The following STK32B variants were observed in gnomAD, a reference collection of about 807,000 sequenced individuals.
STK32B encodes the protein serine/threonine-protein kinase 32B.
A neutral mutation model predicts 52.6 loss-of-function variants in STK32B; 43 were observed. That is an observed-to-expected ratio of 0.82 (90% CI 0.64 to 1.05). The LOEUF (loss-of-function observed/expected upper bound fraction) is 1.05. Ranked by LOEUF, STK32B falls within the 50% of genes least tolerant of loss-of-function variation. The pLI, the probability that STK32B is intolerant of heterozygous loss-of-function variation, is 0.00. For missense variants in STK32B, 621 were observed against 534.6 expected, an observed-to-expected ratio of 1.16 and a Z score of -1.59; for synonymous variants, 238 against 204.3, an observed-to-expected ratio of 1.17 and a Z score of -1.41.
At chr4:5,083,901 A>G (rs1264440382) in intron 1 of STK32B, among the ~76,000 whole-genome samples, 1 of 151,990 alleles carries the variant, frequency 6.6e-6, no homozygotes, top group Non-Finnish European at 1.5e-5. Flanking sequence ...ACATCTGGCT[A>G]ATTTTTGTAT....
chr4:5,489,395 G>A (rs1719503547), intron 11 of STK32B, among the ~76,000 whole-genome samples: 1 of 152,018 alleles, frequency 6.6e-6, no homozygotes, highest in African/African-American at 2.4e-5. Context: ...AGAAAATATG[G>A]CTGTTTTGAT....
chr4:5,455,546 C>G (rs142008928), intron 7 of STK32B, among the ~76,000 whole-genome samples: 101 of 152,276 alleles, frequency 6.6e-4, no homozygotes, highest in African/African-American at 2.4e-3. Context: ...GGAACTTTTC[C>G]GAAGCAAGAA....
At chr4:5,393,762 C>T (rs195130) in intron 4 of STK32B, among the ~76,000 whole-genome samples, 99,111 of 151,914 alleles carry the variant, frequency 0.65, 35,281 homozygotes, top group Non-Finnish European at 0.8. Flanking sequence ...GATTACAATT[C>T]GACATGAGAT....
intron 4 of STK32B, among the ~76,000 whole-genome samples, chr4:5,366,305 A>G (rs1734873346): frequency 6.6e-6 from 1 of 152,004 alleles, no homozygotes; most frequent in Non-Finnish European, 1.5e-5. Flanking sequence ...TTCACAGTTC[A>G]TTCTGTTTGC....
chr4:5,447,908 C>T lies in STK32B; in HGVS notation c.666+1132C>T, dbSNP rs1331752904. Among the ~76,000 whole-genome samples, 4 of 152,218 alleles carry T rather than the reference C, an allele frequency of 2.6e-5. No homozygotes were observed. In the East Asian group the frequency reaches 7.7e-4, roughly 29 times the overall value. ...GACAGAAGCAAAGAGCCAGATTCTC[C>T]CACAGGCTACAGTTTTAATGTTGTT... is the stretch of plus-strand genomic sequence containing the variant. On this transcript the variant is annotated intron_variant, in intron 7 of 11. Transcript: ENST00000282908.
intron 4 of STK32B, among the ~76,000 whole-genome samples, chr4:5,362,027 T>C (rs1164230608): frequency 6.6e-6 from 1 of 152,220 alleles, no homozygotes; most frequent in Non-Finnish European, 1.5e-5. Context: ...AAATTATAAA[T>C]GTTTTGGTGC....
At chr4:5,217,931 T>G (rs993918051) in intron 3 of STK32B, among the ~76,000 whole-genome samples, 1 of 152,218 alleles carries the variant, frequency 6.6e-6, no homozygotes, top group Non-Finnish European at 1.5e-5. Context: ...TCACAGGATT[T>G]TGACACATAA....
chr4:5,298,235 G>A (rs1729332893), intron 3 of STK32B, among the ~76,000 whole-genome samples: 1 of 152,322 alleles, frequency 6.6e-6, no homozygotes, highest in South Asian at 2.1e-4. Context: ...CTGCTGCGAG[G>A]TGTCTCCCAG....
intron 3 of STK32B, among the ~76,000 whole-genome samples, chr4:5,309,515 T>C (rs1439612328): frequency 6.6e-6 from 1 of 152,142 alleles, no homozygotes; most frequent in East Asian, 1.9e-4. Flanking sequence ...GCCAAAACAG[T>C]ATGGTGTTGA....
rs1282155201 is a variant in STK32B at position 5,453,361 on chromosome 4, G to T, written c.667-3446G>T. Among the ~76,000 whole-genome samples the T allele has an allele frequency of 6.6e-6, 1 of 152,124 alleles. No homozygotes were observed. The highest frequency in any genetic ancestry group is 6.5e-5 in the Admixed American group (1 of 15,284). On this transcript the variant is annotated intron_variant, in intron 7 of 11. Transcript: ENST00000282908. This position sits in a 1 kb window ranked among gnomAD's most constrained non-coding sequence, Gnocchi z 4.0. ...AAAACATTTACATTTGTTTCTGGCT[G>T]GTGTTCAAGTTGGGTGCTTGGATTC... is the stretch of plus-strand genomic sequence containing the variant.
intron 3 of STK32B, among the ~76,000 whole-genome samples, chr4:5,238,357 GTTTC>G (rs1238263950): frequency 6.6e-6 from 1 of 151,814 alleles, no homozygotes; most frequent in Non-Finnish European, 1.5e-5. Flanking sequence ...AGGCCTCTCT[GTTTC>G]TTCTCCTTTC....
At chr4:5,307,679 G>A (rs1375180107) in intron 3 of STK32B, among the ~76,000 whole-genome samples, 1 of 151,570 alleles carries the variant, frequency 6.6e-6, no homozygotes, top group East Asian at 1.9e-4. Context: ...GTGATCTTTT[G>A]GGAGTGTTAG....
At chr4:5,371,042 A>ATGTATATG (rs1381470583) in intron 4 of STK32B, among the ~76,000 whole-genome samples, 30 of 149,236 alleles carry the variant, frequency 2.0e-4, no homozygotes, top group Non-Finnish European at 3.5e-4. Context: ...ATGTATATAT[A>ATGTATATG]TGTGTGTGTG....
intron 1 of STK32B, among the ~76,000 whole-genome samples, chr4:5,138,221 A>T (rs1000848280): frequency 6.6e-6 from 1 of 152,212 alleles, no homozygotes; most frequent in African/African-American, 2.4e-5. Flanking sequence ...TATTCTAAGC[A>T]CGTTAGGCAT....
intron 4 of STK32B, among the ~76,000 whole-genome samples, chr4:5,334,606 T>C (rs1259031485): frequency 6.6e-6 from 1 of 152,144 alleles, no homozygotes; most frequent in African/African-American, 2.4e-5. Flanking sequence ...TGATATTGGC[T>C]GTGGGTTTGT....
chr4:5,116,915 G>A (rs1714755016), intron 1 of STK32B, among the ~76,000 whole-genome samples: 2 of 152,092 alleles, frequency 1.3e-5, no homozygotes, highest in Non-Finnish European at 2.9e-5. Context: ...ATTGTAAATA[G>A]TATGGTTTTC....
At chr4:5,233,609 A>G (rs1312225844) in intron 3 of STK32B, among the ~76,000 whole-genome samples, 1 of 151,818 alleles carries the variant, frequency 6.6e-6, no homozygotes, top group Non-Finnish European at 1.5e-5. Flanking sequence ...GAAGAATTCC[A>G]AAGTGTAGCC....
intron 7 of STK32B, among the ~76,000 whole-genome samples, chr4:5,452,083 C>T (rs760779327): frequency 6.6e-5 from 10 of 152,186 alleles, no homozygotes; most frequent in Admixed American, 1.3e-4. Flanking sequence ...CTATGGGCTT[C>T]ATGAGCAGAG....
At chr4:5,238,628 C>T (rs1439820554) in intron 3 of STK32B, among the ~76,000 whole-genome samples, 1 of 152,194 alleles carries the variant, frequency 6.6e-6, no homozygotes, top group East Asian at 1.9e-4. Context: ...CCATTTGTAT[C>T]TTTTCGGGCT....
Sources: allele counts gnomAD v4.1 joint callset (sites outside exome capture counted in the v4.1 genomes callset), GRCh38; gene constraint gnomAD v4.1.1; non-coding constraint Gnocchi (gnomAD v3.1); transcripts MANE v1.5; gene names NCBI Gene and HGNC (gene_info 2026-07-23, HGNC 2026-07-21).